LRRN1: variants seen among roughly 807,000 people sequenced by gnomAD.
LRRN1 encodes the protein leucine-rich repeat neuronal protein 1.
Under a neutral mutation model 45.8 loss-of-function variants are expected in LRRN1, and 14 were observed. The ratio of observed to expected loss-of-function variants is 0.31; its 90% CI spans 0.20 to 0.48. The LOEUF is 0.48. Ranked by LOEUF, LRRN1 falls within the 20% of genes least tolerant of loss-of-function variation. The probability of loss-of-function intolerance (pLI) is 0.99; values close to 1 mark genes in which losing one functional copy is unlikely to be tolerated. For missense variants in LRRN1, 789 were observed against 874.2 expected (o/e 0.90, Z 1.23); for synonymous variants, 359 against 330.1 (o/e 1.09, Z -0.95).
rs1241734210 is a variant in LRRN1 at position 3,816,150 on chromosome 3, G to A, written c.-279+16231G>A. ...GAAGAGCTATTATAGAATGCACTATGATTTATAATGCATTTTAATGTTCTC... is the reference window on the plus strand; with the variant it reads ...GAAGAGCTATTATAGAATGCACTATAATTTATAATGCATTTTAATGTTCTC... On this transcript the variant is annotated intron_variant, in intron 1 of 1. Coordinates refer to ENST00000319331, the MANE Select transcript of LRRN1 (RefSeq NM_020873.7). The surrounding 1 kb of genome is among the most constrained non-coding windows in gnomAD (Gnocchi z 4.0). Among the ~76,000 whole-genome samples, 2 of 152,126 alleles carry A rather than the reference G, an allele frequency of 1.3e-5. No homozygotes were observed. Among genetic ancestry groups the A allele is most frequent in the Non-Finnish European group, 2.9e-5 (2 of 68,004 alleles).
chr3:3,823,494 C>T lies in LRRN1; in HGVS notation c.-278-20870C>T, dbSNP rs138291479. Among the ~76,000 whole-genome samples the T allele has an allele frequency of 2.9e-3, 442 of 152,140 alleles. 1 individual carries two copies. The highest frequency in any genetic ancestry group is 3.5e-3 in the Non-Finnish European group (241 of 68,006). ...TCAGGACATAAATTAATTTTCTTAT[C>T]GGAAGAGTAGATATTAACTTAGGTT... On this transcript the variant is annotated intron_variant, in intron 1 of 1. Coordinates refer to ENST00000319331, the MANE Select transcript of LRRN1 (RefSeq NM_020873.7).
chr3:3,828,049 A>G (rs1051363983), intron 1 of LRRN1, among the ~76,000 whole-genome samples: 1 of 151,838 alleles, frequency 6.6e-6, no homozygotes, highest in Non-Finnish European at 1.5e-5. Context: ...ATAGGGTTCC[A>G]GAGGTTCAAA....
Position 3,845,566 on chromosome 3 carries a change from G to C in LRRN1, c.925G>C (p.Asp309His). 6.2e-7 allele frequency: 1 copy of C among 1,614,092 alleles called. No homozygotes were observed. ...CGTTTCTGTCGACCGCTATGCCCTG[G>C]ATAACTTGCCTGAACTCACAAAGCT... ...ELVSVDRYAL[D>H]NLPELTKLEA... The change falls in exon 2 of 2, where the codon GAT (aspartate) becomes CAT (histidine). Residue 309 changes from aspartate (D) to histidine (H), a missense_variant. Asp to His is a moderately conservative substitution (Grantham distance 81). Coordinates refer to ENST00000319331, the MANE Select transcript of LRRN1 (RefSeq NM_020873.7). The surrounding 1 kb of genome is among the most constrained non-coding windows in gnomAD (Gnocchi z 6.5).
At chr3:3,814,798 C>T (rs1054861061) in intron 1 of LRRN1, among the ~76,000 whole-genome samples, 19 of 152,130 alleles carry the variant, frequency 1.2e-4, no homozygotes, top group African/African-American at 4.6e-4. Flanking sequence ...ATCTTCAAAG[C>T]AGAAAGCAGT....
At chr3:3,834,119 A>T (rs921420475) in intron 1 of LRRN1, among the ~76,000 whole-genome samples, 1 of 152,106 alleles carries the variant, frequency 6.6e-6, no homozygotes, top group Admixed American at 6.6e-5. Flanking sequence ...TGAAGCCAGG[A>T]GACAGAATCC....
chr3:3,803,641 T>G (rs1457590129), intron 1 of LRRN1, among the ~76,000 whole-genome samples: 1 of 152,242 alleles, frequency 6.6e-6, no homozygotes, highest in Non-Finnish European at 1.5e-5. Flanking sequence ...CTTTAACTCA[T>G]GAATAGAGCT....
intron 1 of LRRN1, among the ~76,000 whole-genome samples, chr3:3,843,572 C>CG (rs374658813): frequency 6.6e-5 from 10 of 151,316 alleles, no homozygotes; most frequent in Admixed American, 1.3e-4. Context: ...CCACTGTACC[C>CG]CCCCCCATAC....
intron 1 of LRRN1, among the ~76,000 whole-genome samples, chr3:3,813,768 A>G (rs1692930640): frequency 6.6e-6 from 1 of 152,108 alleles, no homozygotes; most frequent in Non-Finnish European, 1.5e-5. Flanking sequence ...GTGGCTGTAC[A>G]AGAGGAGAGA....
chr3:3,849,749 T>C lies in LRRN1; in HGVS notation c.*2957T>C, dbSNP rs557123674. On this transcript the variant is annotated 3_prime_UTR_variant, in exon 2 of 2. Transcript: ENST00000319331. The stretch of plus-strand genomic sequence containing the variant: ...GCCATGGATATAAAAACAAATGTAA[T>C]GTTTGATTGTCAGTGTTTCTGATTT... 7.9e-5 allele frequency among the ~76,000 whole-genome samples: 12 copies of C among 152,284 alleles called. No individual in the cohort carries two copies. Among genetic ancestry groups the C allele is most frequent in the South Asian group, 4.1e-4 (2 of 4,824 alleles).
At chr3:3,815,923 C>G in intron 1 of LRRN1, among the ~76,000 whole-genome samples, 1 of 151,602 alleles carries the variant, frequency 6.6e-6, no homozygotes. Context: ...TAAGAGATAA[C>G]TTTAATTTTG....
At chr3:3,825,967 A>G (rs973531671) in intron 1 of LRRN1, among the ~76,000 whole-genome samples, 2 of 152,142 alleles carry the variant, frequency 1.3e-5, no homozygotes, top group African/African-American at 4.8e-5. Flanking sequence ...GAGGTTGCAA[A>G]CTGGCCATGG....
At chr3:3,823,903 T>G (rs1693161845) in intron 1 of LRRN1, among the ~76,000 whole-genome samples, 1 of 152,172 alleles carries the variant, frequency 6.6e-6, no homozygotes, top group Non-Finnish European at 1.5e-5. Context: ...AAATACTCAA[T>G]ACCTGGAGCT....
chr3:3,828,147 TA>T (rs1337772560), intron 1 of LRRN1, among the ~76,000 whole-genome samples: 6 of 148,736 alleles, frequency 4.0e-5, no homozygotes, highest in Admixed American at 1.4e-4. Flanking sequence ...TATATATATA[TA>T]TATATTATAT....
chr3:3,812,484 G>A (rs1369688364), intron 1 of LRRN1, among the ~76,000 whole-genome samples: 1 of 152,152 alleles, frequency 6.6e-6, no homozygotes. Context: ...AGACCAGTGT[G>A]GCTTAGAATA....
intron 1 of LRRN1, among the ~76,000 whole-genome samples, chr3:3,837,939 T>C (rs1432872381): frequency 1.3e-5 from 2 of 152,092 alleles, no homozygotes; most frequent in African/African-American, 4.8e-5. Context: ...TGTGTGTCCA[T>C]GTGTTCTCAT....
chr3:3,812,812 T>TAAAA (rs34881587), intron 1 of LRRN1, among the ~76,000 whole-genome samples: 5 of 121,518 alleles, frequency 4.1e-5, no homozygotes, highest in Non-Finnish European at 6.9e-5. Context: ...ATCTTGGTTG[T>TAAAA]AAAAAAAAAA....
At chr3:3,819,915 C>T (rs1380983372) in intron 1 of LRRN1, among the ~76,000 whole-genome samples, 1 of 152,184 alleles carries the variant, frequency 6.6e-6, no homozygotes, top group African/African-American at 2.4e-5. Flanking sequence ...ACACTACTCT[C>T]AAAGGAAGAC....
At chr3:3,834,558 T>TATATATATATATATG (rs1693462672) in intron 1 of LRRN1, among the ~76,000 whole-genome samples, 1 of 118,732 alleles carries the variant, frequency 8.4e-6, no homozygotes, top group Non-Finnish European at 1.8e-5. Context: ...ATATATGATA[T>TATATATATATATATG]ATATATTATT....
At chr3:3,843,779 T>G (rs2166070) in intron 1 of LRRN1, among the ~76,000 whole-genome samples, 135,588 of 152,220 alleles carry the variant, frequency 0.89, 61,238 homozygotes, top group Non-Finnish European at 0.98. Flanking sequence ...AGAAAAGCAT[T>G]GGCTGAATAT....
Sources: gnomAD v4.1 joint callset for allele counts (sites outside exome capture counted in the v4.1 genomes callset) on GRCh38, gnomAD v4.1.1 for gene constraint, Gnocchi (gnomAD v3.1) non-coding constraint, MANE v1.5 for transcripts, NCBI Gene and HGNC (gene_info 2026-07-23, HGNC 2026-07-21) for gene names.